DDAH1: variants seen among roughly 807,000 people sequenced by gnomAD.
DDAH1 encodes the protein dimethylarginine dimethylaminohydrolase 1.
DDAH1 carries 19 observed loss-of-function variants against 28.8 expected under a neutral mutation model. That is an observed-to-expected ratio of 0.66 (90% CI 0.46 to 0.97). The LOEUF is 0.97. Among genes scored for constraint, DDAH1 ranks in the 50% least tolerant of loss-of-function variants. The pLI is 0.00. For synonymous variants in DDAH1, 153 were observed against 154.4 expected (o/e 0.99, Z 0.07); for missense variants, 326 against 375.9 (o/e 0.87, Z 1.10).
intron 1 of DDAH1, among the ~76,000 whole-genome samples, chr1:85,460,369 G>T (rs1179023469): frequency 6.6e-6 from 1 of 152,032 alleles, no homozygotes; most frequent in Non-Finnish European, 1.5e-5. Flanking sequence ...TCCACTTTTG[G>T]GATTTATTAC....
intron 1 of DDAH1, among the ~76,000 whole-genome samples, chr1:85,423,561 T>C (rs1401447937): frequency 6.6e-6 from 1 of 152,148 alleles, no homozygotes; most frequent in African/African-American, 2.4e-5. Context: ...ACTGTAAATG[T>C]ATTGTTTTTA....
At position 85,503,464 on chromosome 1, in the gene DDAH1, A is replaced by T. The variant is rs530169840; in HGVS notation, c.-122-7183T>A. On this transcript the variant is annotated intron_variant, in intron 1 of 6. Coordinates refer to the DDAH1 transcript ENST00000426972. ...GATCCACCCACCTCGGGCCTCCCAA[A>T]GTGCTGAGAATACAGGCATAAGCCA... 2.0e-5 allele frequency among the ~76,000 whole-genome samples: 3 copies of T among 152,292 alleles called. No homozygotes were observed. The East Asian group carries it at 5.8e-4, about 29-fold the overall frequency.
chr1:85,395,399 G>A (rs774308724), intron 1 of DDAH1, among the ~76,000 whole-genome samples: 1 of 152,194 alleles, frequency 6.6e-6, no homozygotes, highest in Non-Finnish European at 1.5e-5. Context: ...GAGATTGGGC[G>A]CAGTGGCTCA....
intron 2 of DDAH1, chr1:85,488,390 C>T (rs968919821): frequency 7.9e-5 from 12 of 152,102 alleles, no homozygotes; most frequent in African/African-American, 2.2e-4. Context: ...CTCACTATGT[C>T]CTAACATGCA....
intron 2 of DDAH1, among the ~76,000 whole-genome samples, chr1:85,490,972 T>C (rs1016370962): frequency 6.6e-6 from 1 of 152,096 alleles, no homozygotes; most frequent in African/African-American, 2.4e-5. Context: ...TTATAACTCA[T>C]TGAAGGTGAA....
At chr1:85,529,165 A>C (rs1376846543) in intron 1 of DDAH1, among the ~76,000 whole-genome samples, 6 of 151,880 alleles carry the variant, frequency 4.0e-5, no homozygotes, top group Admixed American at 3.9e-4. Context: ...TGGTGATTAC[A>C]TCTGTGAAAA....
intron 1 of DDAH1, among the ~76,000 whole-genome samples, chr1:85,550,653 G>C (rs1282613412): frequency 6.6e-6 from 1 of 152,154 alleles, no homozygotes; most frequent in South Asian, 2.1e-4. Flanking sequence ...GTAAAATTAA[G>C]TCAAACATTT....
intron 1 of DDAH1, among the ~76,000 whole-genome samples, chr1:85,363,020 A>C (rs1173462962): frequency 6.6e-6 from 1 of 152,242 alleles, no homozygotes; most frequent in African/African-American, 2.4e-5. Context: ...ATATAGTTTT[A>C]CTAGGAAGCT....
chr1:85,424,139 AT>A (rs1415071470), intron 1 of DDAH1, among the ~76,000 whole-genome samples: 1 of 152,116 alleles, frequency 6.6e-6, no homozygotes. Flanking sequence ...AAGATTTTGT[AT>A]CTATGTCCAT....
At chr1:85,424,534 T>C (rs1653302287) in intron 1 of DDAH1, among the ~76,000 whole-genome samples, 1 of 152,072 alleles carries the variant, frequency 6.6e-6, no homozygotes, top group African/African-American at 2.4e-5. Context: ...GATACAGAGA[T>C]AGTCTGGTGA....
chr1:85,423,123 TG>T (rs1653224748), intron 1 of DDAH1, among the ~76,000 whole-genome samples: 1 of 152,236 alleles, frequency 6.6e-6, no homozygotes, highest in Non-Finnish European at 1.5e-5. Flanking sequence ...TCTGTTTCAT[TG>T]ATCTATGTGC....
At chr1:85,405,632 C>G (rs966006791) in intron 1 of DDAH1, among the ~76,000 whole-genome samples, 1 of 57,470 alleles carries the variant, frequency 1.7e-5, no homozygotes, top group Non-Finnish European at 4.3e-5. Flanking sequence ...AAAAAGTGCC[C>G]TAAAAAAAAA....
intron 1 of DDAH1, among the ~76,000 whole-genome samples, chr1:85,545,471 G>A (rs1008291285): frequency 6.6e-6 from 1 of 152,128 alleles, no homozygotes; most frequent in Non-Finnish European, 1.5e-5. Context: ...ATGGCAATAA[G>A]CTATTAATTT....
intron 2 of DDAH1, among the ~76,000 whole-genome samples, chr1:85,489,878 A>G (rs1482066951): frequency 6.6e-5 from 10 of 152,232 alleles, no homozygotes; most frequent in Non-Finnish European, 1.5e-4. Flanking sequence ...GTAAAATTAA[A>G]AAATATTTTA....
At chr1:85,417,310 G>C (rs985457000) in intron 1 of DDAH1, among the ~76,000 whole-genome samples, 2 of 150,404 alleles carry the variant, frequency 1.3e-5, no homozygotes, top group Non-Finnish European at 3.0e-5. Context: ...GGGTGAGTGG[G>C]AACAGCGGGG....
chr1:85,485,157 AAG>A (rs1656160197), intron 2 of DDAH1, among the ~76,000 whole-genome samples: 1 of 152,208 alleles, frequency 6.6e-6, no homozygotes. Flanking sequence ...CACAGAAAAT[AAG>A]GATACTCAGG....
At chr1:85,435,021 T>C (rs904390983) in intron 1 of DDAH1, among the ~76,000 whole-genome samples, 1 of 152,196 alleles carries the variant, frequency 6.6e-6, no homozygotes, top group African/African-American at 2.4e-5. Flanking sequence ...ACTATTTTCC[T>C]TGTGTTGTTC....
chr1:85,490,559 A>T (rs531525835), intron 2 of DDAH1, among the ~76,000 whole-genome samples: 26 of 151,966 alleles, frequency 1.7e-4, no homozygotes, highest in African/African-American at 5.8e-4. Flanking sequence ...TTTGAGTACC[A>T]CTCCCCCAAG....
chr1:85,513,422 A>G (rs1240757), intron 1 of DDAH1, among the ~76,000 whole-genome samples: 4 of 151,856 alleles, frequency 2.6e-5, no homozygotes, highest in African/African-American at 9.7e-5. Context: ...AGGCAATACC[A>G]TTCAGGACAC....
Sources: gnomAD v4.1 joint callset for allele counts (sites outside exome capture counted in the v4.1 genomes callset) on GRCh38, gnomAD v4.1.1 for gene constraint, MANE v1.5 for transcripts, NCBI Gene and HGNC (gene_info 2026-07-23, HGNC 2026-07-21) for gene names.